Variants in FAXC observed in about 807,000 individuals in gnomAD.
FAXC encodes the protein failed axon connections homolog, metaxin like GST domain containing.
In FAXC, 10 loss-of-function variants were observed where a neutral mutation model predicts 41.9. The ratio of observed to expected loss-of-function variants is 0.24; its 90% CI spans 0.15 to 0.41. The LOEUF is 0.41. FAXC is among the 10% of genes least tolerant of loss of function. The pLI, the probability that FAXC is intolerant of heterozygous loss-of-function variation, is 1.00. For missense variants in FAXC, 399 were observed against 510.9 expected, an observed-to-expected ratio of 0.78 and a Z score of 2.11; for synonymous variants, 183 against 183.8, an observed-to-expected ratio of 1.00 and a Z score of 0.03.
At chr6:99,294,320 C>T (rs899564307) in intron 4 of FAXC, among the ~76,000 whole-genome samples, 1 of 152,224 alleles carries the variant, frequency 6.6e-6, no homozygotes, top group Admixed American at 6.5e-5. Context: ...CATGCCTCCA[C>T]CGCACCCCTG....
chr6:99,311,491 C>T (rs1772154776), intron 4 of FAXC, among the ~76,000 whole-genome samples: 1 of 152,182 alleles, frequency 6.6e-6, no homozygotes, highest in African/African-American at 2.4e-5. Flanking sequence ...AGGAGAATTG[C>T]TTGAACTTGG....
In FAXC at chr6:99,293,714, CTG is replaced by C. The variant is rs72463794; in HGVS notation, c.824-1896_824-1895del. On this transcript the variant is annotated intron_variant, in intron 4 of 5. Transcript: ENST00000389677. The stretch of plus-strand genomic sequence containing the variant: ...TGTGTGTGTGTGTGTGTGTGTGTGT[CTG>C]TGTGTGTGTGTGTGTGTGTGCATTT... Among the ~76,000 whole-genome samples, 570 of 63,950 alleles carry C rather than the reference CTG, an allele frequency of 8.9e-3. 2 individuals carry two copies. Among genetic ancestry groups the C allele is most frequent in the South Asian group, 0.031 (56 of 1,826 alleles). The allele number at this position is 63,950 out of a possible 152,430, so 42.0% of individuals were successfully genotyped here.
chr6:99,320,558 G>C (rs62423992), intron 4 of FAXC, among the ~76,000 whole-genome samples: 1 of 152,100 alleles, frequency 6.6e-6, no homozygotes, highest in Non-Finnish European at 1.5e-5. Flanking sequence ...CAACAGAGCC[G>C]CTTTTCTAGA....
chr6:99,297,663 T>C (rs1771550293), intron 4 of FAXC, among the ~76,000 whole-genome samples: 1 of 152,128 alleles, frequency 6.6e-6, no homozygotes, highest in Non-Finnish European at 1.5e-5. Context: ...GCTGACAGTG[T>C]GTGATGCTCT....
At chr6:99,318,263 ACACACACACACACAC>A (rs1772445636) in intron 4 of FAXC, among the ~76,000 whole-genome samples, 17 of 124,466 alleles carry the variant, frequency 1.4e-4, no homozygotes, top group African/African-American at 4.1e-4. Context: ...CGTCTCAAAC[ACACACACACACACAC>A]ACACACACAC....
chr6:99,345,536 G>A (rs1773560636), intron 1 of FAXC, among the ~76,000 whole-genome samples: 1 of 152,138 alleles, frequency 6.6e-6, no homozygotes, highest in Admixed American at 6.5e-5. Context: ...GTTGTTCCCT[G>A]TACAGCTATA....
chr6:99,293,606 T>C (rs1484293340), intron 4 of FAXC, among the ~76,000 whole-genome samples: 12 of 151,930 alleles, frequency 7.9e-5, no homozygotes, highest in Non-Finnish European at 1.3e-4. Context: ...AGCAGATATA[T>C]CCTGCCTCTT....
chr6:99,287,595 A>C (rs992561147), intron 5 of FAXC, among the ~76,000 whole-genome samples: 1 of 152,226 alleles, frequency 6.6e-6, no homozygotes, highest in African/African-American at 2.4e-5. Context: ...ACTAATATTC[A>C]TCCAAACACA....
At chr6:99,288,954 A>G (rs1234589140) in intron 5 of FAXC, among the ~76,000 whole-genome samples, 4 of 151,740 alleles carry the variant, frequency 2.6e-5, no homozygotes, top group Non-Finnish European at 4.4e-5. Flanking sequence ...TGCCTGCCTC[A>G]GTTTCTTGTA....
chr6:99,332,783 C>CT (rs1193769592), intron 3 of FAXC, among the ~76,000 whole-genome samples: 2 of 152,204 alleles, frequency 1.3e-5, no homozygotes, highest in East Asian at 3.8e-4. Flanking sequence ...ATTCCCTCCT[C>CT]TGAGTCTCTG....
rs899362745 is a variant in FAXC at position 99,279,607 on chromosome 6, A to T, written c.*1557T>A. ...TGCAATTGTAAATCTTGGCTCTCCT[A>T]GCCCAAATCTCACAGCCATCACCCA... is the stretch of plus-strand genomic sequence containing the variant. On this transcript the variant is annotated 3_prime_UTR_variant, in exon 6 of 6. Transcript: ENST00000389677. 6 of 152,128 alleles carry T rather than the reference A, an allele frequency of 3.9e-5. No individual in the cohort carries two copies. The highest frequency in any genetic ancestry group is 1.4e-4 in the African/African-American group (6 of 41,438). The allele number at this position is 152,128 out of a possible 1,614,324, so 9.4% of individuals were successfully genotyped here.
rs751790968 is a variant in FAXC, at chr6:99,349,166, C to T, written c.207G>A (p.Leu69=). The change falls in exon 1 of 6, where the codon TTG becomes TTA. Residue 69 remains leucine (L), a synonymous_variant. Transcript: ENST00000389677. ...CTGCGGCCAGCAAAGCTCCCCCGGT[C>T]AAGTAAAGGGTTTTCTTCCACCAGG... The part of the protein sequence containing the change: ...SDPWWKKTLY[L]TGGALLAAAA... 1.2e-6 allele frequency: 2 copies of T among 1,613,820 alleles called. No individual in the cohort carries two copies. The highest frequency in any genetic ancestry group is 3.3e-5 in the Admixed American group (2 of 60,026).
rs922096548 is a variant in FAXC at position 99,346,574 on chromosome 6, G to GT, written c.266+2532dup. On this transcript the variant is annotated intron_variant, in intron 1 of 5. Coordinates refer to ENST00000389677, the MANE Select transcript of FAXC (RefSeq NM_032511.4). ...AGGCTAATTTTTGTGGGGTTTTTTT[G>GT]TTTGTTTTTTAGTAGACGGGGTTTC... Among the ~76,000 whole-genome samples the GT allele has an allele frequency of 2.0e-3, 297 of 149,888 alleles. 3 individuals carry two copies. Among genetic ancestry groups the GT allele is most frequent in the African/African-American group, 6.9e-3 (282 of 40,626 alleles).
intron 3 of FAXC, among the ~76,000 whole-genome samples, chr6:99,327,255 G>T (rs990711635): frequency 6.6e-6 from 1 of 152,140 alleles, no homozygotes; most frequent in East Asian, 1.9e-4. Context: ...AAAGAAAATA[G>T]ATGCTTCATA....
chr6:99,347,607 C>G (rs1447746923), intron 1 of FAXC, among the ~76,000 whole-genome samples: 1 of 152,184 alleles, frequency 6.6e-6, no homozygotes, highest in African/African-American at 2.4e-5. Flanking sequence ...CACACTGTTT[C>G]TGCAAGGTCA....
chr6:99,319,398 C>CAAAAAA (rs57370118), intron 4 of FAXC, among the ~76,000 whole-genome samples: 1 of 47,640 alleles, frequency 2.1e-5, no homozygotes, highest in Non-Finnish European at 4.8e-5. Context: ...GACTCCGTCT[C>CAAAAAA]AAAAAAAAAA....
chr6:99,314,915 C>T (rs191371870), intron 4 of FAXC, among the ~76,000 whole-genome samples: 1 of 152,222 alleles, frequency 6.6e-6, no homozygotes, highest in Admixed American at 6.5e-5. Flanking sequence ...CTTACTTGGG[C>T]TTATCTTTCA....
chr6:99,272,209 T>G lies in FAXC; in HGVS notation c.*8955A>C, dbSNP rs994937682. ...GTGTGTGTTTGAGATGGAGTTTTGC[T>G]CTTGTTGCCCAGGCTGGAGTCAATG... On this transcript the variant is annotated 3_prime_UTR_variant, in exon 6 of 6. Transcript: ENST00000389677. The G allele has an allele frequency of 3.3e-5, 5 of 150,210 alleles. No homozygotes were observed. The highest frequency in any genetic ancestry group is 9.8e-5 in the African/African-American group (4 of 40,680). 9.3% of individuals were successfully genotyped at this position (150,210 alleles called of 1,614,324 possible). A position where few individuals can be genotyped will look rare whatever the true frequency, so the allele number is the denominator to read the frequency against.
intron 3 of FAXC, among the ~76,000 whole-genome samples, chr6:99,331,871 G>A (rs960804577): frequency 3.3e-5 from 5 of 152,170 alleles, no homozygotes; most frequent in African/African-American, 1.2e-4. Context: ...AGTTTTTCCT[G>A]GAAGCTATGC....
Sources: gnomAD v4.1 joint callset for allele counts (sites outside exome capture counted in the v4.1 genomes callset) on GRCh38, gnomAD v4.1.1 for gene constraint, MANE v1.5 for transcripts, NCBI Gene and HGNC (gene_info 2026-07-23, HGNC 2026-07-21) for gene names.